The following SDK1 variants were observed in gnomAD, a reference collection of about 807,000 sequenced individuals.
SDK1 encodes protein sidekick-1.
SDK1 carries 157 observed loss-of-function variants against 245.5 expected under a neutral mutation model. The observed-to-expected ratio is 0.64, with a 90% CI of 0.56 to 0.73. The LOEUF (loss-of-function observed/expected upper bound fraction) is 0.73, where lower values mean the gene tolerates loss of function less well. Ranked by LOEUF, SDK1 falls within the 30% of genes least tolerant of loss-of-function variation. The pLI, the probability that SDK1 is intolerant of heterozygous loss-of-function variation, is 0.00. For synonymous variants in SDK1, 1,647 were observed against 1,278.5 expected (o/e 1.29, Z -6.15); for missense variants, 3,583 against 3,002.3 (o/e 1.19, Z -4.52).
intron 5 of SDK1, among the ~76,000 whole-genome samples, chr7:3,894,446 G>A (rs901688665): frequency 3.3e-4 from 50 of 151,612 alleles, no homozygotes; most frequent in African/African-American, 1.2e-3. Context: ...GGCTCCGGGG[G>A]TGGTGGGGGA....
At chr7:4,010,491 G>A (rs1344681380) in intron 14 of SDK1, among the ~76,000 whole-genome samples, 2 of 152,194 alleles carry the variant, frequency 1.3e-5, no homozygotes, top group Non-Finnish European at 2.9e-5. Context: ...ACGCAGATGG[G>A]CTGCGAAATA....
chr7:3,828,203 G>C (rs1209502668), intron 5 of SDK1, among the ~76,000 whole-genome samples: 2 of 151,890 alleles, frequency 1.3e-5, no homozygotes, highest in Non-Finnish European at 2.9e-5. Flanking sequence ...AATTGAACCT[G>C]GGAAGTGAAG....
At chr7:4,176,159 TC>T in intron 34 of SDK1, among the ~76,000 whole-genome samples, 1 of 151,786 alleles carries the variant, frequency 6.6e-6, no homozygotes. Flanking sequence ...TCTTTTCTTT[TC>T]TTTACTTTTT....
chr7:4,165,481 A>C (rs1010544318), intron 32 of SDK1, among the ~76,000 whole-genome samples: 1 of 151,688 alleles, frequency 6.6e-6, no homozygotes, highest in African/African-American at 2.4e-5. Flanking sequence ...CTTGCCTTTC[A>C]TGGGATCCAG....
At chr7:3,872,716 C>G (rs1355557131) in intron 5 of SDK1, among the ~76,000 whole-genome samples, 1 of 151,644 alleles carries the variant, frequency 6.6e-6, no homozygotes, top group Non-Finnish European at 1.5e-5. Flanking sequence ...CAAAGAGTAG[C>G]TTTTGGTTTC....
Position 3,642,082 on chromosome 7 carries a change from C to G in SDK1, c.690C>G (p.His230Gln). ...RPQVTWFREG[H>Q]KIIPSNRIAI... Reference sequence around the variant, plus strand: ...AAGTGACTTGGTTTAGAGAAGGGCACAAGATTATTCCAAGCAACAGAATGT... The same window carrying G: ...AAGTGACTTGGTTTAGAGAAGGGCAGAAGATTATTCCAAGCAACAGAATGT... Residue 230 changes from histidine (H) to glutamine (Q), a missense_variant, in exon 4 of 45, where the codon CAC (histidine) becomes CAG (glutamine). By Grantham distance (24) the His-to-Gln change is conservative. Coordinates refer to ENST00000404826, the MANE Select transcript of SDK1 (RefSeq NM_152744.4). 6.2e-7 allele frequency: 1 copy of G among 1,614,058 alleles called. No individual in the cohort carries two copies. The highest frequency in any genetic ancestry group is 8.5e-7 in the Non-Finnish European group (1 of 1,179,986).
At chr7:3,308,212 T>C (rs567461654) in intron 1 of SDK1, among the ~76,000 whole-genome samples, 2 of 152,262 alleles carry the variant, frequency 1.3e-5, no homozygotes, top group African/African-American at 4.8e-5. Context: ...TTTATATACA[T>C]GGCTGGAAGA....
chr7:3,744,616 C>G (rs1187309324), intron 4 of SDK1, among the ~76,000 whole-genome samples: 2 of 152,044 alleles, frequency 1.3e-5, no homozygotes, highest in Admixed American at 6.6e-5. Flanking sequence ...TCGAGACCAT[C>G]CTGGCTAACA....
chr7:3,887,160 G>C (rs1044454465), intron 5 of SDK1, among the ~76,000 whole-genome samples: 1 of 152,120 alleles, frequency 6.6e-6, no homozygotes, highest in African/African-American at 2.4e-5. Flanking sequence ...AGGTCCATGT[G>C]GGTACTCAGG....
intron 5 of SDK1, among the ~76,000 whole-genome samples, chr7:3,831,641 G>T (rs1222473859): frequency 6.6e-6 from 1 of 152,106 alleles, no homozygotes; most frequent in Non-Finnish European, 1.5e-5. Flanking sequence ...CCAATTTTAA[G>T]GACAGAAAGA....
intron 13 of SDK1, among the ~76,000 whole-genome samples, chr7:3,984,744 C>T (rs2128138292): frequency 6.6e-6 from 1 of 152,330 alleles, no homozygotes; most frequent in East Asian, 1.9e-4. Context: ...CACGGCCTAT[C>T]TCCCATCCTG....
chr7:3,658,944 C>T (rs1436664277), intron 4 of SDK1, among the ~76,000 whole-genome samples: 2 of 152,082 alleles, frequency 1.3e-5, no homozygotes, highest in Non-Finnish European at 2.9e-5. Flanking sequence ...CAGAATATTT[C>T]CATCACCCCA....
intron 22 of SDK1, among the ~76,000 whole-genome samples, chr7:4,084,322 G>C (rs1000186289): frequency 2.6e-5 from 4 of 152,144 alleles, no homozygotes; most frequent in Admixed American, 1.3e-4. Context: ...GTTCTTACCT[G>C]TTCAGTGGGT....
intron 1 of SDK1, among the ~76,000 whole-genome samples, chr7:3,532,183 C>T (rs1210380493): frequency 1.3e-5 from 2 of 152,114 alleles, no homozygotes; most frequent in African/African-American, 4.8e-5. Context: ...TTTTTTCCAC[C>T]TCCAGTACCT....
chr7:4,169,044 A>G (rs666005), intron 32 of SDK1, among the ~76,000 whole-genome samples: 42,891 of 152,158 alleles, frequency 0.28, 7,917 homozygotes, highest in African/African-American at 0.52. Context: ...GGTGAGAGCC[A>G]TTAGCGGGGA....
At chr7:4,230,120 G>C (rs1346081312) in intron 40 of SDK1, among the ~76,000 whole-genome samples, 1 of 142,980 alleles carries the variant, frequency 7.0e-6, no homozygotes, top group Non-Finnish European at 1.5e-5. Flanking sequence ...GGATGAGTGG[G>C]TGGCTGGTGG....
intron 20 of SDK1, among the ~76,000 whole-genome samples, chr7:4,071,523 T>C (rs1301553266): frequency 1.3e-5 from 2 of 152,180 alleles, no homozygotes; most frequent in African/African-American, 4.8e-5. Flanking sequence ...TAAAAGGGCC[T>C]CCTGTTGCCT....
chr7:4,088,405 C>T (rs1490926557), intron 22 of SDK1, among the ~76,000 whole-genome samples: 2 of 152,048 alleles, frequency 1.3e-5, no homozygotes, highest in Non-Finnish European at 2.9e-5. Flanking sequence ...TGATAGAAGA[C>T]AATCTTTGTT....
At chr7:3,655,823 C>T (rs927232805) in intron 4 of SDK1, among the ~76,000 whole-genome samples, 2 of 151,876 alleles carry the variant, frequency 1.3e-5, no homozygotes, top group African/African-American at 4.8e-5. Flanking sequence ...CCCGGCCCTG[C>T]CACGTGGTCG....
Sources: allele counts gnomAD v4.1 joint callset (sites outside exome capture counted in the v4.1 genomes callset), GRCh38; gene constraint gnomAD v4.1.1; transcripts MANE v1.5; gene names NCBI Gene and HGNC (gene_info 2026-07-23, HGNC 2026-07-21).